Variants in CDH13 observed in about 807,000 individuals in gnomAD.
CDH13 encodes the protein cadherin-13.
Under a neutral mutation model 63.8 loss-of-function variants are expected in CDH13, and 24 were observed. That is an observed-to-expected ratio of 0.38 (90% CI 0.27 to 0.53). CDH13 has a LOEUF of 0.53. CDH13 is among the 20% of genes least tolerant of loss of function. The pLI is 0.85. For missense variants in CDH13, 1,049 were observed against 903.1 expected, an observed-to-expected ratio of 1.16 and a Z score of -2.07; for synonymous variants, 503 against 355.3, an observed-to-expected ratio of 1.42 and a Z score of -4.67.
At chr16:82,842,100 ATATATATATATG>A (rs1368920125) in intron 1 of CDH13, among the ~76,000 whole-genome samples, 1,811 of 33,242 alleles carry the variant, frequency 0.054, 47 homozygotes, top group Non-Finnish European at 0.078. Context: ...ACATATATAT[ATATATATATATG>A]TATATATATA....
chr16:82,870,959 C>A (rs58804740), intron 2 of CDH13, among the ~76,000 whole-genome samples: 1,524 of 152,294 alleles, frequency 0.01, 29 homozygotes, highest in African/African-American at 0.035. Context: ...CTAGTTAACT[C>A]TGCCTGTCCC....
chr16:82,849,910 G>T (rs1320857046), intron 1 of CDH13, among the ~76,000 whole-genome samples: 1 of 152,206 alleles, frequency 6.6e-6, no homozygotes, highest in African/African-American at 2.4e-5. Context: ...CCACTATTGA[G>T]AACTGCTGCT....
intron 4 of CDH13, among the ~76,000 whole-genome samples, chr16:83,216,916 G>A (rs2039552398): frequency 6.6e-6 from 1 of 151,950 alleles, no homozygotes; most frequent in African/African-American, 2.4e-5. Context: ...AGGTGACACT[G>A]GATTAGTGGA....
At chr16:82,723,842 T>C (rs931033518) in intron 1 of CDH13, among the ~76,000 whole-genome samples, 2 of 152,204 alleles carry the variant, frequency 1.3e-5, no homozygotes, top group Non-Finnish European at 2.9e-5. Flanking sequence ...TTCTCAGTGT[T>C]GAGCAAAGCA....
intron 3 of CDH13, among the ~76,000 whole-genome samples, chr16:83,071,336 G>A (rs532096477): frequency 5.3e-5 from 8 of 152,112 alleles, no homozygotes; most frequent in South Asian, 4.2e-4. Context: ...CCCCTTTCTC[G>A]GATAAGGAGA....
chr16:82,881,760 C>G (rs1315743231), intron 2 of CDH13, among the ~76,000 whole-genome samples: 1 of 152,108 alleles, frequency 6.6e-6, no homozygotes, highest in Non-Finnish European at 1.5e-5. Context: ...GTGTGGTTGC[C>G]TGACAGTGGT....
At chr16:83,598,009 C>G (rs1234536712) in intron 7 of CDH13, among the ~76,000 whole-genome samples, 1 of 152,112 alleles carries the variant, frequency 6.6e-6, no homozygotes, top group Non-Finnish European at 1.5e-5. Flanking sequence ...TCTCTAGTAT[C>G]CAACACGACA....
chr16:82,767,289 G>C (rs1025367175), intron 1 of CDH13, among the ~76,000 whole-genome samples: 2 of 152,146 alleles, frequency 1.3e-5, no homozygotes, highest in African/African-American at 4.8e-5. Context: ...AGCCTCTTCC[G>C]AGTCAATTCT....
Position 82,764,734 on chromosome 16 carries a change from G to A in CDH13, c.46-93628G>A, listed in dbSNP as rs527947410. Among the ~76,000 whole-genome samples, 5 of 152,062 alleles carry A rather than the reference G, an allele frequency of 3.3e-5. No homozygotes were observed. The South Asian group carries it at 1.0e-3, about 32-fold the overall frequency. On this transcript the variant is annotated intron_variant, in intron 1 of 13. Coordinates refer to ENST00000567109, the MANE Select transcript of CDH13 (RefSeq NM_001257.5). Reference sequence around the variant, plus strand: ...ATTCAGGAGGTAATTTTGTTTGCTGGTTTGTGTCCCTTTATCTCTTTATCT... The same window carrying A: ...ATTCAGGAGGTAATTTTGTTTGCTGATTTGTGTCCCTTTATCTCTTTATCT...
At chr16:83,373,575 G>T (rs935452512) in intron 6 of CDH13, among the ~76,000 whole-genome samples, 20 of 152,134 alleles carry the variant, frequency 1.3e-4, no homozygotes, top group Admixed American at 1.1e-3. Context: ...GGGCTGGAAA[G>T]GCCACCATGA....
At chr16:83,337,219 A>T (rs1175724510) in intron 5 of CDH13, among the ~76,000 whole-genome samples, 2 of 152,170 alleles carry the variant, frequency 1.3e-5, no homozygotes, top group African/African-American at 4.8e-5. Flanking sequence ...TTTCTACTGG[A>T]TACCTGCTCA....
chr16:83,162,880 A>G (rs939503990), intron 4 of CDH13, among the ~76,000 whole-genome samples: 2 of 152,032 alleles, frequency 1.3e-5, no homozygotes, highest in Admixed American at 6.6e-5. Flanking sequence ...TAAATCCCCA[A>G]CTTGTAGAGC....
chr16:83,448,022 C>T (rs1272501893), intron 6 of CDH13, among the ~76,000 whole-genome samples: 1 of 152,078 alleles, frequency 6.6e-6, no homozygotes, highest in African/African-American at 2.4e-5. Flanking sequence ...TTGCCTGGAG[C>T]AGGTACTTCC....
At chr16:83,049,002 C>T (rs112908813) in intron 3 of CDH13, among the ~76,000 whole-genome samples, 3 of 152,158 alleles carry the variant, frequency 2.0e-5, no homozygotes, top group Non-Finnish European at 2.9e-5. Flanking sequence ...TTTTGAAGGT[C>T]GTGGAAACTG....
chr16:82,670,589 G>A (rs1273181843), intron 1 of CDH13, among the ~76,000 whole-genome samples: 1 of 152,190 alleles, frequency 6.6e-6, no homozygotes, highest in Non-Finnish European at 1.5e-5. Flanking sequence ...AAGGACAGAT[G>A]GGGCTATAAT....
chr16:82,691,804 CT>C (rs1269363870), intron 1 of CDH13, among the ~76,000 whole-genome samples: 1 of 152,106 alleles, frequency 6.6e-6, no homozygotes, highest in Non-Finnish European at 1.5e-5. Flanking sequence ...GGCACTGGTT[CT>C]TAAATTGGGA....
At chr16:82,875,130 G>C (rs940564305) in intron 2 of CDH13, among the ~76,000 whole-genome samples, 2 of 152,210 alleles carry the variant, frequency 1.3e-5, no homozygotes, top group African/African-American at 4.8e-5. Flanking sequence ...TCTAGAATGA[G>C]TGAGGCCAAA....
intron 2 of CDH13, among the ~76,000 whole-genome samples, chr16:82,998,470 C>A (rs954635741): frequency 2.0e-5 from 3 of 152,076 alleles, no homozygotes; most frequent in Non-Finnish European, 4.4e-5. Context: ...AGCCTGTCCT[C>A]TTGGTGATAA....
intron 5 of CDH13, among the ~76,000 whole-genome samples, chr16:83,314,342 A>G (rs1363980293): frequency 6.6e-6 from 1 of 152,144 alleles, no homozygotes; most frequent in Non-Finnish European, 1.5e-5. Context: ...AGATAAATGT[A>G]CAGGAGAAAT....
Sources: gnomAD v4.1 joint callset for allele counts (sites outside exome capture counted in the v4.1 genomes callset) on GRCh38, gnomAD v4.1.1 for gene constraint, MANE v1.5 for transcripts, NCBI Gene and HGNC (gene_info 2026-07-23, HGNC 2026-07-21) for gene names.